The following BORCS5 variants were observed in gnomAD, a reference collection of about 807,000 sequenced individuals.
BORCS5 encodes BLOC-1 related complex subunit 5.
In BORCS5, 17 loss-of-function variants were observed where a neutral mutation model predicts 22.1. The ratio of observed to expected loss-of-function variants is 0.77; its 90% CI spans 0.53 to 1.15. BORCS5 has a LOEUF of 1.15. Among genes scored for constraint, BORCS5 ranks in the 50% most tolerant of loss-of-function variants. The pLI is 0.00. For synonymous variants in BORCS5, 117 were observed against 99.8 expected, an observed-to-expected ratio of 1.17 and a Z score of -1.03; for missense variants, 247 against 253.2, an observed-to-expected ratio of 0.98 and a Z score of 0.17.
chr12:12,419,379 C>A (rs979529814), intron 2 of BORCS5, among the ~76,000 whole-genome samples: 3 of 152,224 alleles, frequency 2.0e-5, no homozygotes, highest in African/African-American at 7.2e-5. Context: ...TGAACTCATC[C>A]TTTTTTATGG....
At chr12:12,365,156 G>A (rs1294332950) in intron 2 of BORCS5, among the ~76,000 whole-genome samples, 1 of 152,112 alleles carries the variant, frequency 6.6e-6, no homozygotes, top group African/African-American at 2.4e-5. Flanking sequence ...GAGAATAGGT[G>A]AGGAAGGAGG....
intron 2 of BORCS5, among the ~76,000 whole-genome samples, chr12:12,425,359 G>C (rs977288572): frequency 6.6e-6 from 1 of 152,094 alleles, no homozygotes; most frequent in Non-Finnish European, 1.5e-5. Flanking sequence ...TAAATTCCTG[G>C]TGCTTCCTAC....
At chr12:12,364,245 G>A (rs182601835) in intron 2 of BORCS5, among the ~76,000 whole-genome samples, 2 of 152,060 alleles carry the variant, frequency 1.3e-5, no homozygotes, top group East Asian at 1.9e-4. Flanking sequence ...GTGTGGTGGC[G>A]TGCAGCTGTA....
intron 3 of BORCS5, among the ~76,000 whole-genome samples, chr12:12,441,859 G>A (rs1360314570): frequency 6.6e-6 from 1 of 152,118 alleles, no homozygotes; most frequent in Non-Finnish European, 1.5e-5. Context: ...TCGTGCCTGG[G>A]GAACATGGGT....
chr12:12,372,130 C>G (rs1164407779), intron 2 of BORCS5, among the ~76,000 whole-genome samples: 1 of 152,134 alleles, frequency 6.6e-6, no homozygotes, highest in Non-Finnish European at 1.5e-5. Flanking sequence ...ACCTCTGCCT[C>G]TAGGGTTCAA....
At chr12:12,395,435 ATTTTTTTT>A (rs59277387) in intron 2 of BORCS5, among the ~76,000 whole-genome samples, 44 of 107,840 alleles carry the variant, frequency 4.1e-4, no homozygotes, top group Non-Finnish European at 3.8e-4. Flanking sequence ...CACCCAGCTA[ATTTTTTTT>A]TTTTTTTTTT....
intron 3 of BORCS5, among the ~76,000 whole-genome samples, chr12:12,455,059 A>G (rs1565932976): frequency 6.6e-6 from 1 of 152,276 alleles, no homozygotes; most frequent in Non-Finnish European, 1.5e-5. Context: ...TACTGACTTC[A>G]GAATGTATTA....
At chr12:12,393,075 A>C (rs1470920057) in intron 2 of BORCS5, among the ~76,000 whole-genome samples, 1 of 152,006 alleles carries the variant, frequency 6.6e-6, no homozygotes, top group Non-Finnish European at 1.5e-5. Context: ...CTCTACAAAA[A>C]ATACAAAAAA....
chr12:12,374,507 G>C (rs942334135), intron 2 of BORCS5, among the ~76,000 whole-genome samples: 1 of 151,824 alleles, frequency 6.6e-6, no homozygotes, highest in Non-Finnish European at 1.5e-5. Flanking sequence ...AGGTGTGGTG[G>C]TGTGCACCTG....
intron 2 of BORCS5, among the ~76,000 whole-genome samples, chr12:12,413,262 A>G (rs1458146177): frequency 1.8e-5 from 2 of 114,052 alleles, no homozygotes; most frequent in African/African-American, 8.0e-5. Context: ...GGTACTTAAG[A>G]TTAGGGAGTG....
At chr12:12,412,361 G>GT (rs1210481035) in intron 2 of BORCS5, among the ~76,000 whole-genome samples, 5 of 151,754 alleles carry the variant, frequency 3.3e-5, no homozygotes, top group African/African-American at 1.2e-4. Flanking sequence ...ATTCCTAAGT[G>GT]TTTTATTCTT....
chr12:12,453,626 G>A (rs1335765151), intron 3 of BORCS5, among the ~76,000 whole-genome samples: 1 of 152,072 alleles, frequency 6.6e-6, no homozygotes, highest in Admixed American at 6.5e-5. Flanking sequence ...TATCTGTCGG[G>A]GGTCTGGGAG....
In BORCS5 at chr12:12,384,191, C is replaced by T. The variant is rs140995935; in HGVS notation, c.202+22842C>T. ...AGAGACAAAGTCTCATTATGTTGCC[C>T]GGCTGGTCTCAAACTCCTGGGCTCA... On this transcript the variant is annotated intron_variant, in intron 2 of 3. Coordinates refer to ENST00000314565, the MANE Select transcript of BORCS5 (RefSeq NM_058169.6). Among the ~76,000 whole-genome samples the T allele has an allele frequency of 7.7e-3, 1,166 of 150,698 alleles. 43 individuals are homozygous for T. Among genetic ancestry groups the T allele is most frequent in the African/African-American group, 0.027 (1,102 of 41,002 alleles).
intron 2 of BORCS5, among the ~76,000 whole-genome samples, chr12:12,369,226 T>C (rs565886577): frequency 1.7e-4 from 26 of 152,358 alleles, no homozygotes; most frequent in African/African-American, 5.3e-4. Flanking sequence ...TTGTTTTCTA[T>C]CAATATAGCC....
chr12:12,379,117 C>CTT lies in BORCS5; in HGVS notation c.202+17779_202+17780dup, dbSNP rs1036233741. ...CTTTCTTCTTTCTTCTTTCTTTTCTCTTTTTTTTTTTTCTTTTTGGAGGCA... is the reference window on the plus strand; with the variant it reads ...CTTTCTTCTTTCTTCTTTCTTTTCTCTTTTTTTTTTTTTTCTTTTTGGAGGCA... On this transcript the variant is annotated intron_variant, in intron 2 of 3. Coordinates refer to ENST00000314565, the MANE Select transcript of BORCS5 (RefSeq NM_058169.6). Among the ~76,000 whole-genome samples, 404 of 143,160 alleles carry CTT rather than the reference C, an allele frequency of 2.8e-3. 9 individuals are homozygous for CTT. The highest frequency in any genetic ancestry group is 9.8e-3 in the African/African-American group (384 of 39,114). 93.9% of individuals were successfully genotyped at this position (143,160 alleles called of 152,430 possible).
At chr12:12,395,163 G>A (rs1941303142) in intron 2 of BORCS5, among the ~76,000 whole-genome samples, 1 of 151,974 alleles carries the variant, frequency 6.6e-6, no homozygotes, top group South Asian at 2.1e-4. Context: ...TGAGCAAAGT[G>A]GGTCTGAATA....
intron 2 of BORCS5, among the ~76,000 whole-genome samples, chr12:12,383,553 A>G (rs1042500121): frequency 2.6e-5 from 4 of 150,946 alleles, no homozygotes; most frequent in Middle Eastern, 3.4e-3. Context: ...TAATGTTACA[A>G]ATTCACTAGC....
intron 2 of BORCS5, among the ~76,000 whole-genome samples, chr12:12,400,161 A>G (rs1389725378): frequency 1.3e-5 from 2 of 152,224 alleles, no homozygotes; most frequent in East Asian, 1.9e-4. Flanking sequence ...GTTTGAAAAC[A>G]TTCAGTTGCA....
intron 3 of BORCS5, among the ~76,000 whole-genome samples, chr12:12,437,117 G>A (rs1481990213): frequency 6.6e-6 from 1 of 152,112 alleles, no homozygotes; most frequent in Non-Finnish European, 1.5e-5. Context: ...CTCTTGAATT[G>A]TAGCTTCCAT....
Sources: gnomAD v4.1 joint callset for allele counts (sites outside exome capture counted in the v4.1 genomes callset) on GRCh38, gnomAD v4.1.1 for gene constraint, MANE v1.5 for transcripts, NCBI Gene and HGNC (gene_info 2026-07-23, HGNC 2026-07-21) for gene names.